Variants in NRXN3 observed in about 807,000 individuals in gnomAD.
NRXN3 encodes the protein neurexin 3, also known as neurexin III.
A neutral mutation model predicts 137.6 loss-of-function variants in NRXN3; 32 were observed. That is an observed-to-expected ratio of 0.23 (90% confidence interval 0.18 to 0.31). The LOEUF (loss-of-function observed/expected upper bound fraction) is 0.31, where lower values mean the gene tolerates loss of function less well. NRXN3 is among the 10% of genes least tolerant of loss of function. NRXN3 has a pLI of 1.00. For missense variants in NRXN3, 1,574 were observed against 2,062.5 expected (o/e 0.76, Z 4.59); for synonymous variants, 798 against 784.5 (o/e 1.02, Z -0.29).
chr14:78,794,783 T>A (rs1595919503), intron 8 of NRXN3, among the ~76,000 whole-genome samples: 1 of 152,034 alleles, frequency 6.6e-6, no homozygotes, highest in Admixed American at 6.5e-5. Context: ...TTTAACAAAA[T>A]TAAATCTCTG....
intron 15 of NRXN3, among the ~76,000 whole-genome samples, chr14:79,234,289 G>C (rs1397529113): frequency 2.6e-5 from 1 of 38,400 alleles, no homozygotes; most frequent in Non-Finnish European, 4.5e-5. Flanking sequence ...CATATTCAAT[G>C]GTAAATATAT....
At chr14:78,869,856 A>G (rs548720548) in intron 10 of NRXN3, among the ~76,000 whole-genome samples, 2 of 152,052 alleles carry the variant, frequency 1.3e-5, no homozygotes, top group African/African-American at 4.8e-5. Flanking sequence ...GGGCCACTGC[A>G]ATGGAATTGT....
intron 15 of NRXN3, among the ~76,000 whole-genome samples, chr14:79,055,440 T>TAA (rs1384937079): frequency 6.6e-6 from 1 of 152,210 alleles, no homozygotes; most frequent in African/African-American, 2.4e-5. Context: ...TCAAATGATG[T>TAA]AATTGCCTCA....
At position 78,284,248 on chromosome 14, in the gene NRXN3, A is replaced by G. The variant is rs140191504; in HGVS notation, c.727+5586A>G. On this transcript the variant is annotated intron_variant, in intron 3 of 20. Coordinates refer to ENST00000335750, the MANE Select transcript of NRXN3 (RefSeq NM_001330195.2). The stretch of plus-strand genomic sequence containing the variant: ...TCTGATTGCCTCCATTGGAAAGGCT[A>G]ATCAGAAACTCAAAAGAATGCAACC... 7.1e-3 allele frequency among the ~76,000 whole-genome samples: 1,085 copies of G among 152,266 alleles called. 11 individuals are homozygous for G. Among genetic ancestry groups the G allele is most frequent in the African/African-American group, 0.025 (1,027 of 41,542 alleles).
intron 19 of NRXN3, among the ~76,000 whole-genome samples, chr14:79,781,781 T>G (rs2099114730): frequency 6.6e-6 from 1 of 152,190 alleles, no homozygotes; most frequent in Non-Finnish European, 1.5e-5. Flanking sequence ...GTCAAGTGCT[T>G]GTATTGCTGA....
intron 4 of NRXN3, among the ~76,000 whole-genome samples, chr14:78,587,938 T>TAA (rs1260249941): frequency 2.6e-5 from 4 of 152,304 alleles, no homozygotes; most frequent in Admixed American, 6.5e-5. Flanking sequence ...CTATATCCAG[T>TAA]ATTATCCCCA....
At chr14:79,166,715 C>T (rs556795352) in intron 15 of NRXN3, among the ~76,000 whole-genome samples, 2 of 151,534 alleles carry the variant, frequency 1.3e-5, no homozygotes, top group African/African-American at 4.8e-5. Flanking sequence ...TTAAAAAGAA[C>T]CATCTTTGAA....
intron 10 of NRXN3, among the ~76,000 whole-genome samples, chr14:78,933,609 C>G (rs954356089): frequency 6.6e-6 from 1 of 152,056 alleles, no homozygotes; most frequent in Admixed American, 6.5e-5. Context: ...TTCGAAGTGT[C>G]AATAATCAAA....
chr14:79,149,553 A>G (rs1289145199), intron 15 of NRXN3, among the ~76,000 whole-genome samples: 1 of 152,134 alleles, frequency 6.6e-6, no homozygotes, highest in Non-Finnish European at 1.5e-5. Context: ...AGAGACATGC[A>G]TGCGTATATT....
At chr14:78,981,479 T>A (rs1016697593) in intron 14 of NRXN3, among the ~76,000 whole-genome samples, 6 of 152,218 alleles carry the variant, frequency 3.9e-5, no homozygotes, top group African/African-American at 1.4e-4. Context: ...AACTTTTCTG[T>A]GTCTCAGTTT....
At chr14:79,266,208 A>G (rs1320905887) in intron 15 of NRXN3, among the ~76,000 whole-genome samples, 1 of 152,226 alleles carries the variant, frequency 6.6e-6, no homozygotes, top group Admixed American at 6.5e-5. Flanking sequence ...TGATTAAAAT[A>G]TGTCTCAACC....
chr14:78,382,641 C>T (rs558246359), intron 4 of NRXN3, among the ~76,000 whole-genome samples: 47 of 152,110 alleles, frequency 3.1e-4, no homozygotes, highest in Non-Finnish European at 5.4e-4. Flanking sequence ...AACAATAGTG[C>T]GTGTTGCTTG....
chr14:78,222,245 T>G (rs556773802), intron 1 of NRXN3, among the ~76,000 whole-genome samples: 1 of 152,182 alleles, frequency 6.6e-6, no homozygotes, highest in East Asian at 1.9e-4. Context: ...AAAGAGGCAT[T>G]GGGAGGCAGT....
At chr14:78,671,620 T>C (rs2097936626) in intron 6 of NRXN3, among the ~76,000 whole-genome samples, 1 of 152,104 alleles carries the variant, frequency 6.6e-6, no homozygotes, top group African/African-American at 2.4e-5. Context: ...TTTCATAGGC[T>C]TTTTTTCAGT....
At chr14:78,196,119 CCCA>C (rs2061203036) in intron 1 of NRXN3, among the ~76,000 whole-genome samples, 1 of 152,200 alleles carries the variant, frequency 6.6e-6, no homozygotes, top group Non-Finnish European at 1.5e-5. Context: ...TGAGGCTTTT[CCCA>C]CGTCACCCAG....
intron 4 of NRXN3, among the ~76,000 whole-genome samples, chr14:78,368,608 T>C (rs1413905779): frequency 6.6e-6 from 1 of 151,986 alleles, no homozygotes; most frequent in Admixed American, 6.6e-5. Context: ...GGAAGGAGAA[T>C]CACTTGAATC....
intron 16 of NRXN3, among the ~76,000 whole-genome samples, chr14:79,510,074 A>G (rs1283990373): frequency 1.3e-5 from 2 of 152,224 alleles, no homozygotes; most frequent in Admixed American, 1.3e-4. Context: ...TGCATTGACC[A>G]AACCAAAACA....
At chr14:79,723,030 C>G (rs1276250547) in intron 19 of NRXN3, among the ~76,000 whole-genome samples, 1 of 151,942 alleles carries the variant, frequency 6.6e-6, no homozygotes, top group South Asian at 2.1e-4. Context: ...GCATTTATGT[C>G]GATACTACCC....
chr14:79,844,610 C>A lies in NRXN3; in HGVS notation c.4094-16732C>A, dbSNP rs1301032081. Among the ~76,000 whole-genome samples the A allele has an allele frequency of 4.6e-5, 7 of 152,180 alleles. 1 individual carries two copies. The East Asian group carries it at 1.4e-3, about 29-fold the overall frequency. On this transcript the variant is annotated intron_variant, in intron 20 of 20. Transcript: ENST00000335750. ...TGAACAGTACTATTTTGAAAGGAAT[C>A]TTTTATTCCAAGCACTAGGTCTCAA...
Sources: allele counts gnomAD v4.1 joint callset (sites outside exome capture counted in the v4.1 genomes callset), GRCh38; gene constraint gnomAD v4.1.1; transcripts MANE v1.5; gene names NCBI Gene and HGNC (gene_info 2026-07-23, HGNC 2026-07-21).